STAP2: variants seen among roughly 807,000 people sequenced by gnomAD.
STAP2 encodes signal transducing adaptor family member 2, also known as signal-transducing adaptor protein 2.
Under a neutral mutation model 52.7 loss-of-function variants are expected in STAP2, and 58 were observed. The observed-to-expected ratio is 1.10, with a 90% CI of 0.89 to 1.37. STAP2 has a LOEUF of 1.37. STAP2 is among the 40% of genes most tolerant of loss of function. The pLI, the probability that STAP2 is intolerant of heterozygous loss-of-function variation, is 0.00. For missense variants in STAP2, 522 were observed against 519.4 expected (o/e 1.00, Z -0.05); for synonymous variants, 231 against 210.5 (o/e 1.10, Z -0.84).
chr19:4,332,193 CT>C, intron 3 of STAP2, 115 bp from the exon 4 acceptor site: 1 of 317,082 alleles, frequency 3.2e-6, no homozygotes, highest in South Asian at 5.4e-5. Context: ...TTTTCTTTTT[CT>C]TCTTTTTTTT....
In STAP2 at chr19:4,326,962, G is replaced by A. The variant is rs1971802269; in HGVS notation, c.809C>T (p.Ala270Val). Residue 270 changes from alanine to valine, a missense_variant, in exon 9 of 13, where the codon GCG becomes GTG. Physicochemically the swap from Ala to Val is moderately conservative, Grantham distance 64. Coordinates refer to ENST00000594605, the MANE Select transcript of STAP2 (RefSeq NM_001013841.2). Reference protein sequence around the residue: ...DKENGENVWVAPSAPGPGPAP... With the variant: ...DKENGENVWVVPSAPGPGPAP... ...GTCACCTGGGCCCGGAGCGGAGGGCGCCACCCACACATTCTCGCCATTCTC... is the reference window on the plus strand; with the variant it reads ...GTCACCTGGGCCCGGAGCGGAGGGCACCACCCACACATTCTCGCCATTCTC... The A allele has an allele frequency of 4.5e-6, 7 of 1,551,672 alleles. No individual in the cohort carries two copies. The highest frequency in any genetic ancestry group is 2.4e-5 in the South Asian group (2 of 84,240).
chr19:4,326,196 A>T (rs1359492104), intron 9 of STAP2, among the ~76,000 whole-genome samples: 1 of 152,216 alleles, frequency 6.6e-6, no homozygotes, highest in East Asian at 1.9e-4. Flanking sequence ...TTATGTGTAC[A>T]CATGTGATTG....
chr19:4,328,660 G>A lies in STAP2; in HGVS notation c.590+15C>T. The A allele has an allele frequency of 7.3e-7, 1 of 1,363,372 alleles. No individual in the cohort carries two copies. Among genetic ancestry groups the A allele is most frequent in the Non-Finnish European group, 9.8e-7 (1 of 1,021,856 alleles). 84.5% of individuals were successfully genotyped at this position (1,363,372 alleles called of 1,614,324 possible). On this transcript the variant is annotated intron_variant, in intron 6 of 12. Transcript: ENST00000594605. ...CCCTCCTCCCACCCAGGGCTCTCCA[G>A]ACGCGCATGCGCACCCGTTGTGCAT...
At chr19:4,327,455 C>T in intron 6 of STAP2, 70 bp from the exon 7 acceptor site, 2 of 1,547,900 alleles carry the variant, frequency 1.3e-6, no homozygotes, top group Non-Finnish European at 1.8e-6. Flanking sequence ...AAGGCCCCGC[C>T]CCAACTCCAG....
intron 4 of STAP2, among the ~76,000 whole-genome samples, chr19:4,330,711 ATTTTT>A (rs1210010568): frequency 9.8e-4 from 115 of 117,190 alleles, no homozygotes; most frequent in African/African-American, 3.6e-3. Flanking sequence ...ATGTCAGCTA[ATTTTT>A]TTTTTTTTTT....
Position 4,333,785 on chromosome 19 carries a change from T to C in STAP2, c.206A>G (p.Glu69Gly). 2 of 1,613,778 alleles carry C rather than the reference T, an allele frequency of 1.2e-6. No homozygotes were observed. Among genetic ancestry groups the C allele is most frequent in the Non-Finnish European group, 1.7e-6 (2 of 1,179,996 alleles). The change falls in exon 3 of 13, where the codon GAG becomes GGG. Residue 69 changes from glutamate to glycine, a missense_variant. Coordinates refer to ENST00000594605, the MANE Select transcript of STAP2 (RefSeq NM_001013841.2). The stretch of plus-strand genomic sequence containing the variant: ...CCAGGGAATCTCATCTGTGAGTTTC[T>C]CAAATGCTCCCAAGTTGAGCTTCTC... ...HVEKLNLGAFEKLTDEIPWGS... is the reference protein window; with the variant it reads ...HVEKLNLGAFGKLTDEIPWGS...
At chr19:4,333,875 A>G in intron 2 of STAP2, 59 bp from the exon 3 acceptor site, 1 of 1,612,990 alleles carries the variant, frequency 6.2e-7, no homozygotes, top group Non-Finnish European at 8.5e-7. Flanking sequence ...GGCCCCCTGG[A>G]TGATGTAGCA....
At chr19:4,328,507 G>T (rs954250098) in intron 6 of STAP2, among the ~76,000 whole-genome samples, 168 bp downstream of exon 6, 1 of 95,192 alleles carries the variant, frequency 1.1e-5, no homozygotes, top group Non-Finnish European at 2.1e-5. Context: ...CCCCCAATCC[G>T]CCCAGCTCAG....
chr19:4,328,565 T>C, intron 6 of STAP2, 110 bp downstream of exon 6: 1 of 1,423,422 alleles, frequency 7.0e-7, no homozygotes, highest in Non-Finnish European at 9.5e-7. Flanking sequence ...CTCCGTCCCC[T>C]GGCCTACCCA....
chr19:4,335,510 A>C (rs1475483328), intron 1 of STAP2, among the ~76,000 whole-genome samples: 4 of 151,834 alleles, frequency 2.6e-5, no homozygotes, highest in African/African-American at 9.7e-5. Flanking sequence ...TCAAGCCCGC[A>C]TGTATTCACC....
At chr19:4,327,966 C>T (rs1045650393) in intron 6 of STAP2, among the ~76,000 whole-genome samples, 1 of 151,918 alleles carries the variant, frequency 6.6e-6, no homozygotes, top group African/African-American at 2.4e-5. Context: ...TAGATCCTGA[C>T]GCTGCCCAAA....
At chr19:4,329,932 C>T (rs1971860678) in intron 5 of STAP2, 29 bp downstream of exon 5, 1 of 1,597,130 alleles carries the variant, frequency 6.3e-7, no homozygotes, top group Non-Finnish European at 8.6e-7. Context: ...CCCCATCCTG[C>T]AGCCCCTCGG....
chr19:4,338,588 T>G, intron 1 of STAP2, 64 bp downstream of exon 1: 1 of 750,444 alleles, frequency 1.3e-6, no homozygotes, highest in Non-Finnish European at 2.0e-6. Flanking sequence ...AGACAGGGAC[T>G]CAGAGAGGTG....
At position 4,325,214 on chromosome 19, in the gene STAP2, A is replaced by G. The variant is rs1411750427; in HGVS notation, c.1072+2T>C. On this transcript the variant is annotated splice_donor_variant, in intron 11 of 12. Coordinates refer to ENST00000594605, the MANE Select transcript of STAP2 (RefSeq NM_001013841.2). LOFTEE classifies it high-confidence loss of function. ...AGGGTGGGATATGGGGGGGACCCCA[A>G]CCTGGCTTGGGTCCAACGGGTGGCT... 1.9e-6 allele frequency: 3 copies of G among 1,580,888 alleles called. No homozygotes were observed. The highest frequency in any genetic ancestry group is 1.8e-5 in the Admixed American group (1 of 54,316).
Position 4,330,057 on chromosome 19 carries a change from C to T in STAP2, c.359G>A (p.Arg120His), listed in dbSNP as rs1167385281. 3 of 1,613,350 alleles carry T rather than the reference C, an allele frequency of 1.9e-6. No individual in the cohort carries two copies. The highest frequency in any genetic ancestry group is 2.2e-5 in the East Asian group (1 of 44,862). ...AAGCAGGGTCAAGTCGGTCGGGACA[C>T]GGAGCTGAGGGGCGATCGAGGGACA... ...KGFILTVVEL[R>H]VPTDLTLLPG... The change falls in exon 5 of 13, where the codon CGT becomes CAT. Residue 120 changes from arginine to histidine, a missense_variant. By Grantham distance (29) the Arg-to-His change is conservative. Coordinates refer to ENST00000594605, the MANE Select transcript of STAP2 (RefSeq NM_001013841.2).
At chr19:4,332,841 A>C (rs1252366262) in intron 3 of STAP2, among the ~76,000 whole-genome samples, 1 of 151,368 alleles carries the variant, frequency 6.6e-6, no homozygotes, top group Non-Finnish European at 1.5e-5. Context: ...TAAAATAATA[A>C]ATAAAATAAA....
chr19:4,335,822 C>CA (rs1431716084), intron 1 of STAP2, among the ~76,000 whole-genome samples: 4 of 152,120 alleles, frequency 2.6e-5, no homozygotes, highest in African/African-American at 9.7e-5. Flanking sequence ...ACATGGGAAG[C>CA]ACCAGGGCCT....
Position 4,328,718 on chromosome 19 carries a change from C to G in STAP2, c.547G>C (p.Gly183Arg), listed in dbSNP as rs375801724. The stretch of plus-strand genomic sequence containing the variant: ...GTGGTGACCGACACGCCGTCGGCGC[C>G]GTCCCCGCTGGGCCGCAGCAGCAGG... ...GNLLLRPSGD[G>R]ADGVSVTTRQ... The change falls in exon 6 of 13, where the codon GGC becomes CGC. Residue 183 changes from glycine (G) to arginine (R), a missense_variant. Physicochemically the swap from Gly to Arg is moderately radical, Grantham distance 125. Coordinates refer to ENST00000594605, the MANE Select transcript of STAP2 (RefSeq NM_001013841.2). 2 of 1,607,782 alleles carry G rather than the reference C, an allele frequency of 1.2e-6. No homozygotes were observed. The highest frequency in any genetic ancestry group is 1.7e-6 in the Non-Finnish European group (2 of 1,177,982).
In STAP2 at chr19:4,324,098, C is replaced by G; in HGVS notation, c.*35G>C. On this transcript the variant is annotated 3_prime_UTR_variant, in exon 13 of 13. Transcript: ENST00000594605. ...AAGAATCTGGCCGCTGGGCCATGCC[C>G]TGGGACTAGCCCGCTGGTCCCTGGT... 2 of 1,549,668 alleles carry G rather than the reference C, an allele frequency of 1.3e-6. No homozygotes were observed. Among genetic ancestry groups the G allele is most frequent in the Non-Finnish European group, 8.7e-7 (1 of 1,145,470 alleles).
Sources: gnomAD v4.1 joint callset for allele counts (sites outside exome capture counted in the v4.1 genomes callset) on GRCh38, gnomAD v4.1.1 for gene constraint, MANE v1.5 for transcripts, NCBI Gene and HGNC (gene_info 2026-07-23, HGNC 2026-07-21) for gene names.